SCAPER: variants seen among roughly 807,000 people sequenced by gnomAD.
SCAPER encodes the protein S phase cyclin A-associated protein in the endoplasmic reticulum.
SCAPER carries 98 observed loss-of-function variants against 182.2 expected under a neutral mutation model. The ratio of observed to expected loss-of-function variants is 0.54; its 90% CI spans 0.46 to 0.64. SCAPER has a LOEUF of 0.64. SCAPER is among the 30% of genes least tolerant of loss of function. SCAPER has a pLI of 0.00. For synonymous variants in SCAPER, 605 were observed against 564.6 expected (o/e 1.07, Z -1.01); for missense variants, 1,432 against 1,690.0 (o/e 0.85, Z 2.68).
chr15:76,680,930 T>A (rs1167636766), intron 20 of SCAPER, among the ~76,000 whole-genome samples: 1 of 152,212 alleles, frequency 6.6e-6, no homozygotes, highest in Non-Finnish European at 1.5e-5. Context: ...TAGCTAATAA[T>A]ACAATTGAAG....
chr15:76,739,210 A>C (rs1187609210), intron 15 of SCAPER, among the ~76,000 whole-genome samples: 1 of 152,172 alleles, frequency 6.6e-6, no homozygotes, highest in Admixed American at 6.5e-5. Flanking sequence ...CCCTGAAACC[A>C]ATCCTCCACA....
intron 24 of SCAPER, among the ~76,000 whole-genome samples, chr15:76,485,873 C>G (rs1190131023): frequency 6.6e-6 from 1 of 152,144 alleles, no homozygotes; most frequent in African/African-American, 2.4e-5. Context: ...ACACCACATG[C>G]AAAAATTAAC....
At chr15:76,540,604 A>T (rs1409837462) in intron 23 of SCAPER, among the ~76,000 whole-genome samples, 2 of 152,106 alleles carry the variant, frequency 1.3e-5, no homozygotes, top group Non-Finnish European at 1.5e-5. Context: ...GGAAGAATAC[A>T]TTGTAAGCTG....
At chr15:76,827,442 A>C (rs1040600419) in intron 5 of SCAPER, among the ~76,000 whole-genome samples, 2 of 152,246 alleles carry the variant, frequency 1.3e-5, no homozygotes, top group South Asian at 4.1e-4. Flanking sequence ...AACTAAGACC[A>C]TACAGTAGGA....
chr15:76,382,762 C>A (rs2043034239), intron 27 of SCAPER, among the ~76,000 whole-genome samples: 1 of 152,066 alleles, frequency 6.6e-6, no homozygotes, highest in African/African-American at 2.4e-5. Context: ...ACAATCAGAG[C>A]TAATGGGGTA....
chr15:76,768,706 A>G (rs1421790439), intron 10 of SCAPER, among the ~76,000 whole-genome samples: 1 of 152,190 alleles, frequency 6.6e-6, no homozygotes, highest in Non-Finnish European at 1.5e-5. Context: ...ATAGATCCAC[A>G]GTTACAGTCA....
At position 76,661,489 on chromosome 15, in the gene SCAPER, A is replaced by G. The variant is rs149194408; in HGVS notation, c.2645+4164T>C. On this transcript the variant is annotated intron_variant, in intron 21 of 31. Coordinates refer to ENST00000563290, the MANE Select transcript of SCAPER (RefSeq NM_020843.4). Reference sequence around the variant, plus strand: ...AACTTAAACAAATTTACAAGAAAATAAAAACAACCTCATCAAAAAGTGGGC... The same window carrying G: ...AACTTAAACAAATTTACAAGAAAATGAAAACAACCTCATCAAAAAGTGGGC... 8.4e-4 allele frequency among the ~76,000 whole-genome samples: 128 copies of G among 152,300 alleles called. 1 individual carries two copies. Among genetic ancestry groups the G allele is most frequent in the African/African-American group, 2.9e-3 (121 of 41,582 alleles).
chr15:76,724,754 C>T lies in SCAPER; in HGVS notation c.2165+3841G>A, dbSNP rs545787220. Among the ~76,000 whole-genome samples, 13 of 152,264 alleles carry T rather than the reference C, an allele frequency of 8.5e-5. 1 individual carries two copies. In the South Asian group the frequency reaches 1.7e-3, roughly 19 times the overall value. On this transcript the variant is annotated intron_variant, in intron 17 of 31. Coordinates refer to ENST00000563290, the MANE Select transcript of SCAPER (RefSeq NM_020843.4). ...TCTTGTGCATTTGTCACGTAGTTCT[C>T]GTGCCATGGTTTTCAGCTCTATCAG...
At chr15:76,744,747 A>C (rs1399818567) in intron 15 of SCAPER, among the ~76,000 whole-genome samples, 1 of 152,232 alleles carries the variant, frequency 6.6e-6, no homozygotes, top group African/African-American at 2.4e-5. Flanking sequence ...AACTTAAAAC[A>C]CAGCTACCAT....
intron 22 of SCAPER, among the ~76,000 whole-genome samples, chr15:76,607,184 C>A (rs967730753): frequency 6.6e-6 from 1 of 152,128 alleles, no homozygotes; most frequent in African/African-American, 2.4e-5. Context: ...TTAGTGCTTC[C>A]TTCAGGAGCT....
At chr15:76,410,105 G>A (rs540543606) in intron 26 of SCAPER, among the ~76,000 whole-genome samples, 13 of 152,120 alleles carry the variant, frequency 8.5e-5, no homozygotes, top group Non-Finnish European at 1.3e-4. Context: ...CTTCTTTTCT[G>A]AACTTCTTTC....
intron 5 of SCAPER, among the ~76,000 whole-genome samples, chr15:76,827,844 A>G (rs1241365296): frequency 1.3e-5 from 2 of 152,224 alleles, no homozygotes; most frequent in African/African-American, 2.4e-5. Flanking sequence ...CTAGGCTAAC[A>G]TAACTAGGAA....
intron 22 of SCAPER, among the ~76,000 whole-genome samples, chr15:76,620,157 G>A (rs974545097): frequency 2.0e-5 from 3 of 151,970 alleles, no homozygotes; most frequent in African/African-American, 7.3e-5. Flanking sequence ...TATTTTCTAA[G>A]TGGTTATTGC....
At chr15:76,426,122 C>T (rs556276712) in intron 26 of SCAPER, among the ~76,000 whole-genome samples, 1 of 152,112 alleles carries the variant, frequency 6.6e-6, no homozygotes, top group African/African-American at 2.4e-5. Flanking sequence ...CTGGGAGAAC[C>T]ACCACTCATT....
chr15:76,350,832 C>G (rs2040496787), intron 31 of SCAPER: 2 of 154,810 alleles, frequency 1.3e-5, no homozygotes, highest in Admixed American at 6.5e-5. Context: ...GCTACTATTA[C>G]TGATAACTTT....
At chr15:76,766,872 T>G in intron 11 of SCAPER, 46 bp downstream of exon 11, 2 of 1,517,308 alleles carry the variant, frequency 1.3e-6, no homozygotes, top group Non-Finnish European at 1.8e-6. Flanking sequence ...ATTTTGTTTC[T>G]AAATATAAAT....
At chr15:76,441,611 C>T (rs2047606649) in intron 25 of SCAPER, among the ~76,000 whole-genome samples, 1 of 152,126 alleles carries the variant, frequency 6.6e-6, no homozygotes, top group African/African-American at 2.4e-5. Flanking sequence ...TTTCCTCTGC[C>T]TGGAATATCT....
chr15:76,552,370 C>T (rs1459350735), intron 23 of SCAPER, among the ~76,000 whole-genome samples: 2 of 152,038 alleles, frequency 1.3e-5, no homozygotes, highest in African/African-American at 2.4e-5. Context: ...ACTGCACATC[C>T]GCAAGACTGG....
intron 21 of SCAPER, among the ~76,000 whole-genome samples, chr15:76,651,791 C>T (rs912080491): frequency 3.3e-5 from 5 of 149,606 alleles, no homozygotes; most frequent in African/African-American, 7.4e-5. Context: ...AGACTGACAC[C>T]AGAATTTGGC....
Sources: gnomAD v4.1 joint callset for allele counts (sites outside exome capture counted in the v4.1 genomes callset) on GRCh38, gnomAD v4.1.1 for gene constraint, MANE v1.5 for transcripts, NCBI Gene and HGNC (gene_info 2026-07-23, HGNC 2026-07-21) for gene names.